Variants in STARD13 observed in about 807,000 individuals in gnomAD.
The protein encoded by STARD13 is StAR related lipid transfer domain containing 13.
In STARD13, 62 loss-of-function variants were observed where a neutral mutation model predicts 106.4. The observed-to-expected ratio is 0.58, with a 90% confidence interval of 0.48 to 0.72. The LOEUF (loss-of-function observed/expected upper bound fraction) is 0.72, where lower values mean the gene tolerates loss of function less well. STARD13 is among the 30% of genes least tolerant of loss of function. The probability of loss-of-function intolerance (pLI) is 0.00; values close to 1 mark genes in which losing one functional copy is unlikely to be tolerated. For synonymous variants in STARD13, 565 were observed against 553.0 expected, an observed-to-expected ratio of 1.02 and a Z score of -0.31; for missense variants, 1,387 against 1,424.0, an observed-to-expected ratio of 0.97 and a Z score of 0.42.
chr13:33,293,426 T>C (rs151035069), intron 1 of STARD13, among the ~76,000 whole-genome samples: 94 of 152,302 alleles, frequency 6.2e-4, no homozygotes, highest in African/African-American at 2.2e-3. Context: ...TAGATGCATA[T>C]TTTTTTAGGC....
At chr13:33,420,438 A>C in the STARD13 span, among the ~76,000 whole-genome samples, 1 of 152,258 alleles carries the variant, frequency 6.6e-6, no homozygotes, top group Admixed American at 6.5e-5. Flanking sequence ...ATACAGGAGC[A>C]CCTGGATTTA....
intron 1 of STARD13, among the ~76,000 whole-genome samples, chr13:33,176,275 T>C (rs1884511931): frequency 6.6e-6 from 1 of 152,214 alleles, no homozygotes; most frequent in Admixed American, 6.5e-5. Context: ...TCTTAAAAAA[T>C]TCCTTGGCAC....
At chr13:33,406,864 A>C in the STARD13 span, among the ~76,000 whole-genome samples, 16 of 152,092 alleles carry the variant, frequency 1.1e-4, no homozygotes, top group East Asian at 2.9e-3. Flanking sequence ...CGGGTGCATC[A>C]CTGCTCTGGG....
chr13:33,240,611 T>C (rs1889425562), intron 1 of STARD13, among the ~76,000 whole-genome samples: 1 of 152,186 alleles, frequency 6.6e-6, no homozygotes, highest in Admixed American at 6.5e-5. Context: ...GTTAAGTTTA[T>C]CCTTAAGTAT....
At chr13:33,372,129 A>G in the STARD13 span, among the ~76,000 whole-genome samples, 7 of 152,224 alleles carry the variant, frequency 4.6e-5, no homozygotes, top group African/African-American at 1.2e-4. Flanking sequence ...AGTTTAAAGT[A>G]TTAGACATAA....
chr13:33,201,652 G>T (rs1887049284), intron 1 of STARD13, among the ~76,000 whole-genome samples: 1 of 152,168 alleles, frequency 6.6e-6, no homozygotes, highest in Admixed American at 6.5e-5. Flanking sequence ...GTTGAGGCAG[G>T]CCTTCTAGGC....
chr13:33,189,092 T>G (rs978933146), intron 1 of STARD13, among the ~76,000 whole-genome samples: 1 of 152,186 alleles, frequency 6.6e-6, no homozygotes, highest in African/African-American at 2.4e-5. Context: ...AATGTTTTAT[T>G]TTGTTTCTTT....
the STARD13 span, among the ~76,000 whole-genome samples, chr13:33,434,880 G>T: frequency 7.9e-6 from 1 of 125,994 alleles, no homozygotes; most frequent in Non-Finnish European, 1.7e-5. Flanking sequence ...AAGAAAGGAA[G>T]GGAGGGAAGG....
chr13:33,447,056 A>T, the STARD13 span, among the ~76,000 whole-genome samples: 1 of 152,360 alleles, frequency 6.6e-6, no homozygotes. Flanking sequence ...AAAGAAAGGA[A>T]TTCATTAAAT....
At chr13:33,115,431 G>T (rs1167499984) in intron 8 of STARD13, among the ~76,000 whole-genome samples, 1 of 152,156 alleles carries the variant, frequency 6.6e-6, no homozygotes, top group Admixed American at 6.5e-5. Context: ...GGTGCCTCTT[G>T]TGCACCACTT....
chr13:33,332,238 C>G (rs955976174), intron 1 of STARD13, among the ~76,000 whole-genome samples: 2 of 152,178 alleles, frequency 1.3e-5, no homozygotes, highest in East Asian at 1.9e-4. Context: ...CATTCCCGTC[C>G]TTTTCCTTCT....
Position 33,233,312 on chromosome 13 carries a change from C to T in STARD13, c.169+52158G>A, listed in dbSNP as rs149535536. ...TTGGTTTTCTACACTGTCAGGCCCA[C>T]CTTTGAGTGGTATCTTCGCTTTAAC... On this transcript the variant is annotated intron_variant, in intron 1 of 13. Coordinates refer to ENST00000336934, the MANE Select transcript of STARD13 (RefSeq NM_178006.4). 1.8e-3 allele frequency among the ~76,000 whole-genome samples: 277 copies of T among 152,320 alleles called. 1 individual carries two copies. The highest frequency in any genetic ancestry group is 6.2e-3 in the African/African-American group (258 of 41,560).
chr13:33,143,649 G>A (rs1000698536), intron 3 of STARD13, among the ~76,000 whole-genome samples: 14 of 152,150 alleles, frequency 9.2e-5, no homozygotes, highest in African/African-American at 3.1e-4. Context: ...TGCCTCCCAG[G>A]CTCGAGCAAT....
At chr13:33,489,330 C>A in the STARD13 span, among the ~76,000 whole-genome samples, 3 of 152,140 alleles carry the variant, frequency 2.0e-5, no homozygotes, top group Admixed American at 6.5e-5. Flanking sequence ...TTCCATAGGG[C>A]AACTCACTAT....
At chr13:33,429,464 C>T in the STARD13 span, among the ~76,000 whole-genome samples, 1 of 150,930 alleles carries the variant, frequency 6.6e-6, no homozygotes. Context: ...GGTGTGGCGG[C>T]AGTGAGCCGA....
At chr13:33,675,299 G>A in the STARD13 span, among the ~76,000 whole-genome samples, 8 of 152,168 alleles carry the variant, frequency 5.3e-5, no homozygotes, top group Admixed American at 2.0e-4. Flanking sequence ...TAATCTGTGC[G>A]CAGCTAATCA....
At chr13:33,205,966 G>A (rs1368731357) in intron 1 of STARD13, 2 of 985,312 alleles carry the variant, frequency 2.0e-6, no homozygotes, top group Non-Finnish European at 2.4e-6. Context: ...CGTTATCTCT[G>A]CCAGCTAATA....
chr13:33,450,787 G>T, the STARD13 span, among the ~76,000 whole-genome samples: 1 of 152,184 alleles, frequency 6.6e-6, no homozygotes, highest in Non-Finnish European at 1.5e-5. Context: ...CACAGGGAGA[G>T]GGGAATTCCA....
the STARD13 span, among the ~76,000 whole-genome samples, chr13:33,543,975 T>C: frequency 6.6e-6 from 1 of 152,204 alleles, no homozygotes; most frequent in African/African-American, 2.4e-5. Flanking sequence ...CTAGAACCAG[T>C]AGAGAGCTAC....
Sources: allele counts gnomAD v4.1 joint callset (sites outside exome capture counted in the v4.1 genomes callset), GRCh38; gene constraint gnomAD v4.1.1; transcripts MANE v1.5; gene names NCBI Gene and HGNC (gene_info 2026-07-23, HGNC 2026-07-21).